Variants in TBCEL observed in about 807,000 individuals in gnomAD.
TBCEL encodes the protein tubulin-specific chaperone cofactor E-like protein.
A neutral mutation model predicts 44.2 loss-of-function variants in TBCEL; 15 were observed. The ratio of observed to expected loss-of-function variants is 0.34; its 90% CI spans 0.23 to 0.52. The LOEUF (loss-of-function observed/expected upper bound fraction) is 0.52. Ranked by LOEUF, TBCEL falls within the 20% of genes least tolerant of loss-of-function variation. The pLI, the probability that TBCEL is intolerant of heterozygous loss-of-function variation, is 0.95. For missense variants in TBCEL, 319 were observed against 506.3 expected (o/e 0.63, Z 3.55); for synonymous variants, 171 against 185.4 (o/e 0.92, Z 0.63).
intron 8 of TBCEL, among the ~76,000 whole-genome samples, chr11:121,069,461 C>T (rs1945883827): frequency 6.6e-6 from 1 of 152,066 alleles, no homozygotes; most frequent in Admixed American, 6.6e-5. Flanking sequence ...TCTTTATGTG[C>T]AGTGAACTAC....
intron 1 of TBCEL, among the ~76,000 whole-genome samples, chr11:121,030,350 A>C (rs1187699268): frequency 6.6e-6 from 1 of 152,158 alleles, no homozygotes; most frequent in Non-Finnish European, 1.5e-5. Flanking sequence ...TTTATTCTGC[A>C]TGTGAAGGGG....
intron 8 of TBCEL, among the ~76,000 whole-genome samples, chr11:121,062,496 C>T (rs75499697): frequency 0.023 from 3,515 of 152,190 alleles, 62 homozygotes; most frequent in Non-Finnish European, 0.038. Flanking sequence ...CGTTATGATG[C>T]TAAGATGTCA....
At chr11:121,043,943 C>T (rs113172913) in intron 2 of TBCEL, among the ~76,000 whole-genome samples, 3 of 152,030 alleles carry the variant, frequency 2.0e-5, no homozygotes, top group African/African-American at 7.2e-5. Flanking sequence ...AAATTGAACA[C>T]GTATAAAGTG....
chr11:121,039,895 T>C (rs1945300500), intron 2 of TBCEL, among the ~76,000 whole-genome samples: 1 of 152,216 alleles, frequency 6.6e-6, no homozygotes, highest in Non-Finnish European at 1.5e-5. Flanking sequence ...TCTGCCCTTC[T>C]CTGATGAATA....
intron 2 of TBCEL, 131 bp from the exon 3 acceptor site, chr11:121,045,543 G>A (rs925699375): frequency 3.0e-6 from 2 of 657,912 alleles, no homozygotes; most frequent in African/African-American, 3.7e-5. Flanking sequence ...TGTTTCTGGG[G>A]TCAGTAACTA....
In TBCEL at chr11:121,086,820, G is replaced by A; in HGVS notation, c.999G>A (p.Leu333=). 6.2e-7 allele frequency: 1 copy of A among 1,613,928 alleles called. No individual in the cohort carries two copies. Among genetic ancestry groups the A allele is most frequent in the Non-Finnish European group, 8.5e-7 (1 of 1,179,922 alleles). The change falls in exon 9 of 9, where the codon TTG becomes TTA. Residue 333 remains leucine (L), a synonymous_variant. Transcript: ENST00000683345. The stretch of plus-strand genomic sequence containing the variant: ...CTAAATATGGGAAGTTGGAGCCTTT[G>A]GCAGAAGTGGACCTAAGACCCCAGA... ...LITKYGKLEP[L]AEVDLRPQSS...
At chr11:121,037,488 A>G (rs1313157508) in intron 2 of TBCEL, among the ~76,000 whole-genome samples, 1 of 152,212 alleles carries the variant, frequency 6.6e-6, no homozygotes, top group African/African-American at 2.4e-5. Context: ...ATCCAGCCTA[A>G]TTACGCTGAC....
At chr11:121,045,042 G>A (rs891259122) in intron 2 of TBCEL, among the ~76,000 whole-genome samples, 2 of 152,052 alleles carry the variant, frequency 1.3e-5, no homozygotes, top group East Asian at 3.9e-4. Flanking sequence ...ATATTCCTTG[G>A]GTTCATTGTC....
chr11:121,081,936 A>C (rs1946133750), intron 8 of TBCEL, among the ~76,000 whole-genome samples: 2 of 152,220 alleles, frequency 1.3e-5, no homozygotes, highest in African/African-American at 4.8e-5. Context: ...TAACCCATCT[A>C]TAAAAGTCTG....
intron 2 of TBCEL, among the ~76,000 whole-genome samples, chr11:121,039,521 G>A (rs1945294317): frequency 6.6e-6 from 1 of 152,174 alleles, no homozygotes; most frequent in Non-Finnish European, 1.5e-5. Context: ...GTACACGCTT[G>A]TTGAACTGAA....
rs7941611 is a variant in TBCEL, at chr11:121,074,884, A to G, written c.957-11894A>G. Among the ~76,000 whole-genome samples the G allele has an allele frequency of 3.5e-3, 538 of 152,090 alleles. 3 individuals are homozygous for G. The highest frequency in any genetic ancestry group is 0.012 in the African/African-American group (517 of 41,554). ...TAATTGTAGATTCACATGCAGTTGC[A>G]AGAAAGAATACAGCAAGATCCTGTG... On this transcript the variant is annotated intron_variant, in intron 8 of 8. Transcript: ENST00000683345.
rs141356012 is a variant in TBCEL, at chr11:121,061,581, C to A, written c.956+1496C>A. On this transcript the variant is annotated intron_variant, in intron 8 of 8. Transcript: ENST00000683345. The stretch of plus-strand genomic sequence containing the variant: ...AGGCTATATGGTACAGCCTATTACT[C>A]CTAGGCTATAAACCTGTACAGCATG... Among the ~76,000 whole-genome samples the A allele has an allele frequency of 2.2e-3, 342 of 152,100 alleles. 1 individual carries two copies. The highest frequency in any genetic ancestry group is 7.9e-3 in the African/African-American group (328 of 41,508).
At chr11:121,043,447 T>A (rs1485342385) in intron 2 of TBCEL, among the ~76,000 whole-genome samples, 2 of 152,136 alleles carry the variant, frequency 1.3e-5, no homozygotes, top group Non-Finnish European at 2.9e-5. Context: ...GAAGTAAATA[T>A]GTCACCACTA....
In TBCEL at chr11:121,087,769, G is replaced by A. The variant is rs1234197003; in HGVS notation, c.*673G>A. On this transcript the variant is annotated 3_prime_UTR_variant, in exon 9 of 9. Transcript: ENST00000683345. ...GAAGCTATAACTCTGTTAGAACCTC[G>A]AAGAGTAGATGTAGAATGAAAACTC... is the stretch of plus-strand genomic sequence containing the variant. 6.6e-6 allele frequency: 1 copy of A among 152,096 alleles called. No homozygotes were observed. Among genetic ancestry groups the A allele is most frequent in the Admixed American group, 6.6e-5 (1 of 15,258 alleles). The allele number at this position is 152,096 out of a possible 1,614,324, so 9.4% of individuals were successfully genotyped here.
At chr11:121,053,476 A>G in intron 4 of TBCEL, 75 bp from the exon 5 acceptor site, 1 of 1,427,158 alleles carries the variant, frequency 7.0e-7, no homozygotes, top group East Asian at 2.3e-5. Context: ...CAGCTCCTCT[A>G]GGCTTTCTTG....
intron 4 of TBCEL, 101 bp downstream of exon 4, chr11:121,047,768 T>C: frequency 2.1e-6 from 3 of 1,405,794 alleles, no homozygotes; most frequent in Non-Finnish European, 2.9e-6. Flanking sequence ...TCTCACTTGA[T>C]GTCTGTATGA....
intron 8 of TBCEL, among the ~76,000 whole-genome samples, chr11:121,080,201 T>C (rs1325120738): frequency 2.0e-5 from 3 of 152,218 alleles, no homozygotes; most frequent in Non-Finnish European, 4.4e-5. Context: ...GTTTGTTACA[T>C]TTCTTAAAGA....
chr11:121,049,342 TA>T (rs138761632), intron 4 of TBCEL, among the ~76,000 whole-genome samples: 78 of 151,956 alleles, frequency 5.1e-4, no homozygotes, highest in African/African-American at 1.8e-3. Context: ...ATTTCTTGTT[TA>T]AGAAAAACCT....
rs1302344829 is a variant in TBCEL, at chr11:121,073,614, A to T, written c.957-13164A>T. On this transcript the variant is annotated intron_variant, in intron 8 of 8. Transcript: ENST00000683345. Reference sequence around the variant, plus strand: ...TTTCTTGGATATGACCTCCAGTATAATATTTAAAATGCGCAGTAAAAGAGG... The same window carrying T: ...TTTCTTGGATATGACCTCCAGTATATTATTTAAAATGCGCAGTAAAAGAGG... Among the ~76,000 whole-genome samples, 3 of 151,838 alleles carry T rather than the reference A, an allele frequency of 2.0e-5. No individual in the cohort carries two copies. In the East Asian group the frequency reaches 5.8e-4, roughly 29 times the overall value.
Sources: gnomAD v4.1 joint callset for allele counts (sites outside exome capture counted in the v4.1 genomes callset) on GRCh38, gnomAD v4.1.1 for gene constraint, MANE v1.5 for transcripts, NCBI Gene and HGNC (gene_info 2026-07-23, HGNC 2026-07-21) for gene names.